Variants in FRMD5 observed in about 807,000 individuals in gnomAD.
The protein encoded by FRMD5 is FERM domain containing 5, also known as FERM domain-containing protein 5.
In FRMD5, 20 loss-of-function variants were observed where a neutral mutation model predicts 69.0. The observed-to-expected ratio is 0.29, with a 90% CI of 0.20 to 0.42. The LOEUF (loss-of-function observed/expected upper bound fraction) is 0.42. FRMD5 is among the 10% of genes least tolerant of loss of function. The probability of loss-of-function intolerance (pLI) is 1.00; values close to 1 mark genes in which losing one functional copy is unlikely to be tolerated. For synonymous variants in FRMD5, 271 were observed against 260.1 expected (o/e 1.04, Z -0.40); for missense variants, 595 against 708.6 (o/e 0.84, Z 1.82).
rs2089912913 is a variant in FRMD5, at chr15:43,944,537, CTCT to C, written c.103-20231_103-20229del. On this transcript the variant is annotated intron_variant, in intron 1 of 13. Coordinates refer to ENST00000417257, the MANE Select transcript of FRMD5 (RefSeq NM_032892.5). ...CCCGAACTCCCGGGTTCAAGTGATT[CTCT>C]TGCCTCAGCTTCCTGAGTAGCTGAG... is the stretch of plus-strand genomic sequence containing the variant. Among the ~76,000 whole-genome samples the C allele has an allele frequency of 2.6e-5, 4 of 151,982 alleles. No homozygotes were observed. In the South Asian group the frequency reaches 8.3e-4, roughly 32 times the overall value.
chr15:44,057,113 C>T (rs1028713889), intron 1 of FRMD5, among the ~76,000 whole-genome samples: 1 of 148,832 alleles, frequency 6.7e-6, no homozygotes, highest in Admixed American at 6.9e-5. Flanking sequence ...TTCCCTCTCC[C>T]TCTTTGCTCT....
At chr15:43,898,502 A>G (rs927804999) in intron 7 of FRMD5, among the ~76,000 whole-genome samples, 1 of 152,222 alleles carries the variant, frequency 6.6e-6, no homozygotes, top group African/African-American at 2.4e-5. Context: ...AAGACTCTTA[A>G]CAACAAGGCT....
chr15:43,904,543 T>A lies in FRMD5; in HGVS notation c.551+1285A>T, dbSNP rs370296711. 1.4e-4 allele frequency among the ~76,000 whole-genome samples: 22 copies of A among 152,104 alleles called. No individual in the cohort carries two copies. The East Asian group carries it at 4.3e-3, about 29-fold the overall frequency. On this transcript the variant is annotated intron_variant, in intron 6 of 13. Transcript: ENST00000417257. ...CCACCACATCTGGCTTTTTTATTTA[T>A]TTACTTTCATTTTTAGTAGAGACAG... is the stretch of plus-strand genomic sequence containing the variant.
intron 1 of FRMD5, among the ~76,000 whole-genome samples, chr15:43,935,266 G>A (rs1253431990): frequency 2.6e-5 from 4 of 152,196 alleles, no homozygotes; most frequent in African/African-American, 9.7e-5. Flanking sequence ...GATTATCTGA[G>A]GTCAGGAGTT....
intron 1 of FRMD5, among the ~76,000 whole-genome samples, chr15:44,092,128 CTTTTGGGAATCTAGTCCCTCTG>C (rs1056504907): frequency 3.3e-5 from 5 of 152,132 alleles, no homozygotes; most frequent in African/African-American, 7.2e-5. Flanking sequence ...TCGTCACTCT[CTTTTGGGAATCTAGTCCCTCTG>C]TTTTGGGAAT....
At chr15:44,103,913 T>G (rs773277300) in intron 1 of FRMD5, among the ~76,000 whole-genome samples, 88 of 152,262 alleles carry the variant, frequency 5.8e-4, no homozygotes, top group Non-Finnish European at 9.6e-4. Flanking sequence ...TTTGTGATGA[T>G]GCTGGTGTAA....
At chr15:44,057,721 T>A (rs1216590625) in intron 1 of FRMD5, among the ~76,000 whole-genome samples, 1 of 152,228 alleles carries the variant, frequency 6.6e-6, no homozygotes, top group African/African-American at 2.4e-5. Flanking sequence ...CACACATTAG[T>A]TCTAATTTTG....
At chr15:44,013,836 G>A (rs1017105883) in intron 1 of FRMD5, among the ~76,000 whole-genome samples, 1 of 149,234 alleles carries the variant, frequency 6.7e-6, no homozygotes, top group South Asian at 2.1e-4. Context: ...GAGGAGTGAT[G>A]CAAGTATCTG....
intron 1 of FRMD5, among the ~76,000 whole-genome samples, chr15:43,951,594 A>G (rs746478465): frequency 1.3e-5 from 2 of 152,174 alleles, no homozygotes; most frequent in African/African-American, 2.4e-5. Context: ...TTAAGAATGG[A>G]TTACTGAATT....
intron 1 of FRMD5, among the ~76,000 whole-genome samples, chr15:44,110,207 A>G (rs932103766): frequency 7.9e-5 from 12 of 152,186 alleles, no homozygotes; most frequent in Admixed American, 2.6e-4. Flanking sequence ...TTTTAGAGAC[A>G]GGGTCTTGCT....
chr15:44,065,460 C>G (rs957477528), intron 1 of FRMD5, among the ~76,000 whole-genome samples: 1 of 152,184 alleles, frequency 6.6e-6, no homozygotes, highest in Non-Finnish European at 1.5e-5. Context: ...CACTTTAAGT[C>G]ACCCAACCCA....
intron 1 of FRMD5, among the ~76,000 whole-genome samples, chr15:44,157,077 CAAAT>C (rs1279702252): frequency 1.3e-5 from 2 of 152,036 alleles, no homozygotes; most frequent in Non-Finnish European, 2.9e-5. Flanking sequence ...TCAACCTTCT[CAAAT>C]AAAAAAGGCA....
At chr15:43,901,734 G>A (rs572076604) in intron 7 of FRMD5, among the ~76,000 whole-genome samples, 2 of 152,284 alleles carry the variant, frequency 1.3e-5, no homozygotes, top group South Asian at 4.1e-4. Context: ...GCGCATAATG[G>A]CATTAAATGT....
upstream of FRMD5, among the ~76,000 whole-genome samples, chr15:44,196,033 G>A (rs2078290471): frequency 6.6e-6 from 1 of 152,280 alleles, no homozygotes; most frequent in African/African-American, 2.4e-5. Context: ...AACATAGTAT[G>A]TCAGGAGGTA....
intron 1 of FRMD5, among the ~76,000 whole-genome samples, chr15:44,059,857 A>G (rs1893019940): frequency 6.6e-6 from 1 of 152,334 alleles, no homozygotes; most frequent in African/African-American, 2.4e-5. Context: ...CTTCATTTAT[A>G]TAGAGACAGG....
At chr15:44,119,368 T>A (rs2076914861) in intron 1 of FRMD5, among the ~76,000 whole-genome samples, 3 of 152,120 alleles carry the variant, frequency 2.0e-5, no homozygotes, top group Admixed American at 2.0e-4. Flanking sequence ...TAAAGGGAGG[T>A]AAGCAAGGCT....
intron 1 of FRMD5, among the ~76,000 whole-genome samples, chr15:44,106,387 T>C (rs190905078): frequency 1.1e-4 from 17 of 152,294 alleles, no homozygotes; most frequent in Admixed American, 7.8e-4. Flanking sequence ...TCCAGCCTCA[T>C]TGCCACTACT....
chr15:44,039,452 T>C (rs897109048), intron 1 of FRMD5, among the ~76,000 whole-genome samples: 2 of 152,180 alleles, frequency 1.3e-5, no homozygotes, highest in African/African-American at 4.8e-5. Flanking sequence ...GGTGCCACTC[T>C]GGGACAAAGC....
intron 1 of FRMD5, among the ~76,000 whole-genome samples, chr15:43,951,455 A>G (rs900427221): frequency 6.6e-6 from 1 of 151,998 alleles, no homozygotes; most frequent in African/African-American, 2.4e-5. Context: ...ATATATAATA[A>G]ATTGCTGTTG....
Sources: gnomAD v4.1 joint callset for allele counts (sites outside exome capture counted in the v4.1 genomes callset) on GRCh38, gnomAD v4.1.1 for gene constraint, MANE v1.5 for transcripts, NCBI Gene and HGNC (gene_info 2026-07-23, HGNC 2026-07-21) for gene names.